PCMTD2: variants seen among roughly 807,000 people sequenced by gnomAD.
PCMTD2 encodes the protein protein-L-isoaspartate (D-aspartate) O-methyltransferase domain containing 2, also known as protein-L-isoaspartate O-methyltransferase domain-containing protein 2.
A neutral mutation model predicts 33.4 loss-of-function variants in PCMTD2; 16 were observed. The ratio of observed to expected loss-of-function variants is 0.48; its 90% CI spans 0.32 to 0.73. PCMTD2 has a LOEUF of 0.73. Among genes scored for constraint, PCMTD2 ranks in the 30% least tolerant of loss-of-function variants. The pLI is 0.03. For missense variants in PCMTD2, 374 were observed against 449.9 expected (o/e 0.83, Z 1.53); for synonymous variants, 161 against 160.8 (o/e 1.00, Z -0.01).
rs551327104 is a variant in PCMTD2 at position 64,260,390 on chromosome 20, G to A, written c.307+118G>A. 5.9e-5 allele frequency: 41 copies of A among 689,086 alleles called. 3 individuals carry two copies. The South Asian group carries it at 6.7e-4, about 11-fold the overall frequency. The allele number at this position is 689,086 out of a possible 1,614,324, so 42.7% of individuals were successfully genotyped here. A position where few individuals can be genotyped will look rare whatever the true frequency, so the allele number is the denominator to read the frequency against. The stretch of plus-strand genomic sequence containing the variant: ...GGTCGAGACCGCAGCCTTCCCAGTA[G>A]TTATCTGACATTGACACATCACTGG... On this transcript the variant is annotated intron_variant, in intron 2 of 5. Coordinates refer to ENST00000308824, the MANE Select transcript of PCMTD2 (RefSeq NM_018257.3).
At chr20:64,261,837 C>T (rs912344511) in intron 2 of PCMTD2, among the ~76,000 whole-genome samples, 3 of 152,096 alleles carry the variant, frequency 2.0e-5, no homozygotes, top group East Asian at 3.8e-4. Flanking sequence ...TTTCCTCCAA[C>T]GTAGCTGAAA....
rs1282075184 is a variant in PCMTD2, at chr20:64,276,095, G to T, written c.*2495G>T. On this transcript the variant is annotated 3_prime_UTR_variant, in exon 6 of 6. Transcript: ENST00000308824. The stretch of plus-strand genomic sequence containing the variant: ...TGTTCTTTTCAAAATCTTAAGAAAA[G>T]AACCTTTTTTCTTTATTAACATCAT... 1 of 152,044 alleles carries T rather than the reference G, an allele frequency of 6.6e-6. No homozygotes were observed. Among genetic ancestry groups the T allele is most frequent in the Non-Finnish European group, 1.5e-5 (1 of 67,980 alleles). 9.4% of individuals were successfully genotyped at this position (152,044 alleles called of 1,614,324 possible).
In PCMTD2 at chr20:64,260,181, G is replaced by T; in HGVS notation, c.216G>T (p.Val72=). 3.1e-6 allele frequency: 5 copies of T among 1,613,626 alleles called. No homozygotes were observed. Among genetic ancestry groups the T allele is most frequent in the Non-Finnish European group, 4.2e-6 (5 of 1,179,494 alleles). Residue 72 remains valine, a synonymous_variant, in exon 2 of 6, where the codon GTG becomes GTT. Transcript: ENST00000308824. ...CAGCCCCGTGCATCTACTCGGAGGT[G>T]ATGGAAGCCCTAGATCTGCAGCCTG... The part of the protein sequence containing the change: ...HLSAPCIYSE[V]MEALDLQPGL...
At chr20:64,273,156 T>C in intron 5 of PCMTD2, 65 bp from the exon 6 acceptor site, 1 of 1,355,498 alleles carries the variant, frequency 7.4e-7, no homozygotes, top group Non-Finnish European at 1.0e-6. Context: ...GGGTCTTAGG[T>C]GTGTAGGCGT....
chr20:64,271,336 AGGGC>A, intron 5 of PCMTD2: 1 of 1,374 alleles, frequency 7.3e-4, no homozygotes, highest in Non-Finnish European at 1.3e-3. Flanking sequence ...CTTCTGAGGA[AGGGC>A]ATGTGAGGTG....
intron 4 of PCMTD2, among the ~76,000 whole-genome samples, chr20:64,266,405 G>A (rs546213169): frequency 2.0e-5 from 3 of 151,988 alleles, no homozygotes; most frequent in South Asian, 2.1e-4. Context: ...TTACAGGTGC[G>A]TGCCACCACA....
At position 64,274,871 on chromosome 20, in the gene PCMTD2, G is replaced by C. The variant is rs1986052242; in HGVS notation, c.*1271G>C. The C allele has an allele frequency of 6.6e-6, 1 of 151,918 alleles. No homozygotes were observed. Among genetic ancestry groups the C allele is most frequent in the South Asian group, 2.1e-4 (1 of 4,818 alleles). The allele number at this position is 151,918 out of a possible 1,614,324, so 9.4% of individuals were successfully genotyped here. Reference sequence around the variant, plus strand: ...GTTACATTGCTTATTCCAAAACATTGGTTCTTTTTAAAACATTTTTTTTTA... The same window carrying C: ...GTTACATTGCTTATTCCAAAACATTCGTTCTTTTTAAAACATTTTTTTTTA... On this transcript the variant is annotated 3_prime_UTR_variant, in exon 6 of 6. Transcript: ENST00000308824.
At chr20:64,272,415 G>A (rs760724726) in intron 5 of PCMTD2, among the ~76,000 whole-genome samples, 18 of 152,180 alleles carry the variant, frequency 1.2e-4, no homozygotes, top group Non-Finnish European at 2.5e-4. Context: ...TCCTTGGTGT[G>A]CTTTGGAGTT....
intron 3 of PCMTD2, 79 bp downstream of exon 3, chr20:64,264,610 A>T (rs1985574632): frequency 1.3e-6 from 1 of 749,144 alleles, no homozygotes; most frequent in Non-Finnish European, 2.4e-6. Context: ...GAAAGAAATC[A>T]TGTGGTAGGA....
In PCMTD2 at chr20:64,260,144, A is replaced by G; in HGVS notation, c.179A>G (p.Asn60Ser). The G allele has an allele frequency of 1.2e-6, 2 of 1,613,632 alleles. No homozygotes were observed. The highest frequency in any genetic ancestry group is 1.7e-6 in the Non-Finnish European group (2 of 1,179,544). Residue 60 changes from asparagine (N) to serine (S), a missense_variant, in exon 2 of 6, where the codon AAC becomes AGC. Transcript: ENST00000308824. ...AAAGACTTGGCATGGAAGCATGGAA[A>G]CATTCACCTCTCAGCCCCGTGCATC... Reference protein sequence around the residue: ...AYKDLAWKHGNIHLSAPCIYS... With the variant: ...AYKDLAWKHGSIHLSAPCIYS...
chr20:64,270,018 G>T (rs1474280600), intron 5 of PCMTD2, among the ~76,000 whole-genome samples: 7 of 144,836 alleles, frequency 4.8e-5, no homozygotes, highest in African/African-American at 1.8e-4. Flanking sequence ...GTAAGTTCAG[G>T]CGTGCACGGT....
chr20:64,275,907 TGTA>T lies in PCMTD2; in HGVS notation c.*2308_*2310del, dbSNP rs1986079174. 6.6e-6 allele frequency: 1 copy of T among 152,232 alleles called. No homozygotes were observed. Among genetic ancestry groups the T allele is most frequent in the African/African-American group, 2.4e-5 (1 of 41,464 alleles). The allele number at this position is 152,232 out of a possible 1,614,324, so 9.4% of individuals were successfully genotyped here. A position where few individuals can be genotyped will look rare whatever the true frequency, so the allele number is the denominator to read the frequency against. On this transcript the variant is annotated 3_prime_UTR_variant, in exon 6 of 6. Transcript: ENST00000308824. ...TTGTAATGTGAGCATCAAATGTGTA[TGTA>T]AAAATACTTTTTACCAGTCTGGAAC...
chr20:64,274,280 C>T lies in PCMTD2; in HGVS notation c.*680C>T, dbSNP rs1028072053. ...TTGCCAGATAATCTTTCTGGAATTCCGAGAGAATTCCAAAGAGGGTTTTTT... is the reference window on the plus strand; with the variant it reads ...TTGCCAGATAATCTTTCTGGAATTCTGAGAGAATTCCAAAGAGGGTTTTTT... On this transcript the variant is annotated 3_prime_UTR_variant, in exon 6 of 6. Coordinates refer to ENST00000308824, the MANE Select transcript of PCMTD2 (RefSeq NM_018257.3). The T allele has an allele frequency of 5.4e-5, 8 of 147,934 alleles. No individual in the cohort carries two copies. The highest frequency in any genetic ancestry group is 8.9e-5 in the Non-Finnish European group (6 of 67,588). 9.2% of individuals were successfully genotyped at this position (147,934 alleles called of 1,614,324 possible). A position where few individuals can be genotyped will look rare whatever the true frequency, so the allele number is the denominator to read the frequency against.
At chr20:64,269,525 G>A (rs139697009) in intron 5 of PCMTD2, among the ~76,000 whole-genome samples, 21 of 152,318 alleles carry the variant, frequency 1.4e-4, no homozygotes, top group Admixed American at 5.9e-4. Context: ...TGAGTTACTT[G>A]CAACTTTTCT....
In PCMTD2 at chr20:64,260,116, T is replaced by C; in HGVS notation, c.151T>C (p.Tyr51His). The change falls in exon 2 of 6, where the codon TAT becomes CAT. Residue 51 changes from tyrosine (Y) to histidine (H), a missense_variant. Coordinates refer to ENST00000308824, the MANE Select transcript of PCMTD2 (RefSeq NM_018257.3). ...TCTTGAAGAATTTAAAGAAAATGCT[T>C]ATAAAGACTTGGCATGGAAGCATGG... ...YYLEEFKENAYKDLAWKHGNI... is the reference protein window; with the variant it reads ...YYLEEFKENAHKDLAWKHGNI... The C allele has an allele frequency of 6.2e-7, 1 of 1,613,926 alleles. No homozygotes were observed. The highest frequency in any genetic ancestry group is 1.1e-5 in the South Asian group (1 of 91,072).
intron 3 of PCMTD2, 29 bp downstream of exon 3, chr20:64,264,560 G>A (rs1371138549): frequency 9.3e-7 from 1 of 1,070,570 alleles, no homozygotes; most frequent in Non-Finnish European, 1.5e-6. Context: ...CATTGGCTCA[G>A]ATGATGTGAA....
chr20:64,257,880 GC>G (rs1439489719), intron 1 of PCMTD2, among the ~76,000 whole-genome samples: 16 of 152,318 alleles, frequency 1.1e-4, no homozygotes, highest in Admixed American at 3.9e-4. Flanking sequence ...AAATTAACCG[GC>G]CAGCTCCAAT....
In PCMTD2 at chr20:64,276,155, T is replaced by G. The variant is rs749047007; in HGVS notation, c.*2555T>G. ...TTCAGCAAATATTTGTATTACTGCT[T>G]GATTCTGTGACAGTCACAATAGATG... On this transcript the variant is annotated 3_prime_UTR_variant, in exon 6 of 6. Coordinates refer to ENST00000308824, the MANE Select transcript of PCMTD2 (RefSeq NM_018257.3). 6.6e-6 allele frequency: 1 copy of G among 152,204 alleles called. No individual in the cohort carries two copies. The highest frequency in any genetic ancestry group is 1.5e-5 in the Non-Finnish European group (1 of 68,038). 9.4% of individuals were successfully genotyped at this position (152,204 alleles called of 1,614,324 possible). A position where few individuals can be genotyped will look rare whatever the true frequency, so the allele number is the denominator to read the frequency against.
chr20:64,273,700 T>C lies in PCMTD2; in HGVS notation c.*100T>C, dbSNP rs897699963. On this transcript the variant is annotated 3_prime_UTR_variant, in exon 6 of 6. Transcript: ENST00000308824. ...AAGGGTCACCTGGAGGCAGACGTTG[T>C]GGGGAAGGGAACTGCTGGGCTCATC... is the stretch of plus-strand genomic sequence containing the variant. 5.9e-6 allele frequency: 6 copies of C among 1,022,890 alleles called. No homozygotes were observed. The highest frequency in any genetic ancestry group is 8.5e-6 in the Non-Finnish European group (6 of 707,918). The allele number at this position is 1,022,890 out of a possible 1,614,324, so 63.4% of individuals were successfully genotyped here.
Sources: gnomAD v4.1 joint callset for allele counts (sites outside exome capture counted in the v4.1 genomes callset) on GRCh38, gnomAD v4.1.1 for gene constraint, MANE v1.5 for transcripts, NCBI Gene and HGNC (gene_info 2026-07-23, HGNC 2026-07-21) for gene names.